The following ZFAND3 variants were observed in gnomAD, a reference collection of about 807,000 sequenced individuals.
ZFAND3 encodes the protein zinc finger AN1-type containing 3.
Under a neutral mutation model 29.6 loss-of-function variants are expected in ZFAND3, and 10 were observed. The observed-to-expected ratio is 0.34, with a 90% confidence interval of 0.21 to 0.57. The LOEUF is 0.57. Among genes scored for constraint, ZFAND3 ranks in the 20% least tolerant of loss-of-function variants. The pLI is 0.86. For missense variants in ZFAND3, 230 were observed against 304.5 expected (o/e 0.76, Z 1.82); for synonymous variants, 128 against 112.6 (o/e 1.14, Z -0.87).
chr6:37,922,257 A>G (rs1460185671), intron 1 of ZFAND3, among the ~76,000 whole-genome samples: 1 of 152,140 alleles, frequency 6.6e-6, no homozygotes, highest in Non-Finnish European at 1.5e-5. Context: ...TTAAAGATTT[A>G]AGTCCAAAAA....
chr6:38,115,918 C>T (rs948328231), intron 4 of ZFAND3, among the ~76,000 whole-genome samples: 3 of 152,176 alleles, frequency 2.0e-5, no homozygotes, highest in Non-Finnish European at 2.9e-5. Context: ...TGCTGCACCA[C>T]CCCATGGTGG....
intron 1 of ZFAND3, among the ~76,000 whole-genome samples, chr6:37,873,689 T>C (rs969101670): frequency 1.3e-5 from 2 of 152,190 alleles, no homozygotes; most frequent in Admixed American, 6.5e-5. Flanking sequence ...GCATGTACAA[T>C]ATAAGGTGTG....
intron 2 of ZFAND3, among the ~76,000 whole-genome samples, chr6:38,001,109 T>C (rs551429440): frequency 1.3e-5 from 2 of 152,340 alleles, no homozygotes; most frequent in African/African-American, 2.4e-5. Flanking sequence ...TATATCCTTT[T>C]ACTAAGGAGA....
intron 5 of ZFAND3, among the ~76,000 whole-genome samples, chr6:38,125,343 C>T (rs1227082553): frequency 6.6e-6 from 1 of 152,188 alleles, no homozygotes; most frequent in Non-Finnish European, 1.5e-5. Context: ...TGAACACGAA[C>T]TCCATGTATT....
chr6:38,011,590 A>G (rs1205125181), intron 2 of ZFAND3, among the ~76,000 whole-genome samples: 3 of 152,150 alleles, frequency 2.0e-5, no homozygotes, highest in Non-Finnish European at 4.4e-5. Context: ...GTGGATTTGT[A>G]CTTTGTGGCA....
intron 5 of ZFAND3, among the ~76,000 whole-genome samples, chr6:38,119,787 C>T (rs1278477008): frequency 6.6e-6 from 1 of 152,226 alleles, no homozygotes; most frequent in Non-Finnish European, 1.5e-5. Context: ...CACACAGACA[C>T]ATTCAGCTTC....
chr6:38,045,805 T>G (rs1763892833), intron 2 of ZFAND3, among the ~76,000 whole-genome samples: 1 of 152,202 alleles, frequency 6.6e-6, no homozygotes, highest in Non-Finnish European at 1.5e-5. Context: ...ATGAGGAATT[T>G]GAACACAGAA....
chr6:38,033,903 C>G (rs1328923386), intron 2 of ZFAND3, among the ~76,000 whole-genome samples: 4 of 152,076 alleles, frequency 2.6e-5, no homozygotes, highest in Non-Finnish European at 5.9e-5. Flanking sequence ...TTTAAACAAG[C>G]AGAGTTAAAG....
At chr6:37,966,516 AC>A (rs1332686106) in intron 2 of ZFAND3, among the ~76,000 whole-genome samples, 2 of 152,100 alleles carry the variant, frequency 1.3e-5, no homozygotes, top group African/African-American at 4.8e-5. Context: ...TTCATAAGTG[AC>A]TGAACCTGAT....
intron 3 of ZFAND3, among the ~76,000 whole-genome samples, chr6:38,075,851 A>G (rs2070297872): frequency 6.6e-6 from 1 of 152,110 alleles, no homozygotes; most frequent in South Asian, 2.1e-4. Flanking sequence ...TCCCGGGTTC[A>G]CGCCATTCTC....
chr6:38,088,235 G>A (rs138020103), intron 4 of ZFAND3: 1 of 152,278 alleles, frequency 6.6e-6, no homozygotes, highest in African/African-American at 2.4e-5. Flanking sequence ...TCCATCATTT[G>A]CAACAACATG....
At chr6:37,944,765 C>T (rs529334029) in intron 2 of ZFAND3, among the ~76,000 whole-genome samples, 58 of 152,268 alleles carry the variant, frequency 3.8e-4, no homozygotes, top group African/African-American at 1.4e-3. Flanking sequence ...TCCCTAAATG[C>T]CAGTGGGACA....
intron 1 of ZFAND3, among the ~76,000 whole-genome samples, chr6:37,904,587 T>C (rs1239880140): frequency 6.6e-6 from 1 of 152,082 alleles, no homozygotes; most frequent in Non-Finnish European, 1.5e-5. Flanking sequence ...CCATGTATAA[T>C]GAAAACTGGA....
chr6:37,934,731 C>T (rs991884151), intron 2 of ZFAND3, among the ~76,000 whole-genome samples: 1 of 146,748 alleles, frequency 6.8e-6, no homozygotes, highest in Non-Finnish European at 1.5e-5. Context: ...CCCAGCTACT[C>T]GGGAGGCTGA....
chr6:38,045,958 G>T lies in ZFAND3; in HGVS notation c.113-15635G>T, dbSNP rs986127790. Reference sequence around the variant, plus strand: ...TGAACTCTAAAGTGGTTAGCGAGAAGAGTAGCGAACAGTGTTCTCAGTAAC... The same window carrying T: ...TGAACTCTAAAGTGGTTAGCGAGAATAGTAGCGAACAGTGTTCTCAGTAAC... On this transcript the variant is annotated intron_variant, in intron 2 of 5. Coordinates refer to ENST00000287218, the MANE Select transcript of ZFAND3 (RefSeq NM_021943.3). 5.3e-5 allele frequency among the ~76,000 whole-genome samples: 8 copies of T among 152,230 alleles called. No individual in the cohort carries two copies. The East Asian group carries it at 5.8e-4, about 11-fold the overall frequency.
At chr6:37,926,606 C>T (rs1020263304) in intron 1 of ZFAND3, among the ~76,000 whole-genome samples, 3 of 152,102 alleles carry the variant, frequency 2.0e-5, no homozygotes, top group Non-Finnish European at 2.9e-5. Flanking sequence ...TTGGAAAGGA[C>T]CCTCCACCCC....
chr6:38,040,657 G>A (rs948742463), intron 2 of ZFAND3, among the ~76,000 whole-genome samples: 1 of 152,106 alleles, frequency 6.6e-6, no homozygotes, highest in African/African-American at 2.4e-5. Context: ...ACAGATTCGG[G>A]AGTTGTTTAT....
At chr6:37,944,932 T>C (rs184870842) in intron 2 of ZFAND3, among the ~76,000 whole-genome samples, 21 of 152,360 alleles carry the variant, frequency 1.4e-4, no homozygotes, top group African/African-American at 4.8e-4. Flanking sequence ...GTTTGGCTTC[T>C]ATCTGTATGG....
chr6:37,931,540 CT>C (rs1228106127), intron 2 of ZFAND3, among the ~76,000 whole-genome samples: 1 of 133,286 alleles, frequency 7.5e-6, no homozygotes, highest in Non-Finnish European at 1.6e-5. Flanking sequence ...GAGACTCCGT[CT>C]CAAAAAAAAA....
Sources: allele counts gnomAD v4.1 joint callset (sites outside exome capture counted in the v4.1 genomes callset), GRCh38; gene constraint gnomAD v4.1.1; transcripts MANE v1.5; gene names NCBI Gene and HGNC (gene_info 2026-07-23, HGNC 2026-07-21).